The following SPTBN5 variants were observed in gnomAD, a reference collection of about 807,000 sequenced individuals.
SPTBN5 encodes spectrin beta, non-erythrocytic 5.
A neutral mutation model predicts 477.6 loss-of-function variants in SPTBN5; 513 were observed. That is an observed-to-expected ratio of 1.07 (90% CI 1.00 to 1.16). The LOEUF is 1.16. SPTBN5 is among the 50% of genes most tolerant of loss of function. SPTBN5 has a pLI of 0.00. For synonymous variants in SPTBN5, 2,169 were observed against 2,011.7 expected (o/e 1.08, Z -2.09); for missense variants, 5,062 against 4,731.8 (o/e 1.07, Z -2.05).
At chr15:41,856,743 A>G in intron 52 of SPTBN5, 110 bp downstream of exon 52, 1 of 1,354,860 alleles carries the variant, frequency 7.4e-7, no homozygotes, top group Non-Finnish European at 9.9e-7. Flanking sequence ...AGGGCATCCC[A>G]AAAGCCCCCA....
Position 41,893,919 on chromosome 15 carries a change from A to C in SPTBN5, c.-70T>G, listed in dbSNP as rs12441660. ...CTTACCTTGGTGATGCCTGGGTTCC[A>C]CAGAGGCGGCCCAGCTGGACGGATG... On this transcript the variant is annotated 5_prime_UTR_variant, in exon 1 of 68. Transcript: ENST00000320955. The C allele has an allele frequency of 9.8e-4, 229 of 233,188 alleles. 7 individuals carry two copies. In the Admixed American group the frequency reaches 0.01, roughly 11 times the overall value. The allele number at this position is 233,188 out of a possible 1,614,324, so 14.4% of individuals were successfully genotyped here. A position where few individuals can be genotyped will look rare whatever the true frequency, so the allele number is the denominator to read the frequency against.
chr15:41,883,327 G>A (rs1370963147), intron 8 of SPTBN5, 21 bp downstream of exon 8: 1 of 1,611,612 alleles, frequency 6.2e-7, no homozygotes, highest in South Asian at 1.1e-5. Flanking sequence ...TTTCCCAAGG[G>A]CCTGCTGGTC....
At chr15:41,868,010 G>A in intron 34 of SPTBN5, 59 bp downstream of exon 34, 1 of 1,536,684 alleles carries the variant, frequency 6.5e-7, no homozygotes, top group Non-Finnish European at 8.7e-7. Flanking sequence ...TGAGCAGAGA[G>A]GAGAATAGAA....
chr15:41,874,334 G>A lies in SPTBN5; in HGVS notation c.4647C>T (p.Thr1549=), dbSNP rs777363623. ...HMPHGSPTSY[T]ECLNGAQSLH... ...GGCTCTGGGCACCATTCAAGCACTC[G>A]GTATAGCTGGTGGGGCTGCCATGGG... Residue 1549 remains threonine (T), a synonymous_variant, in exon 24 of 68, where the codon ACC becomes ACT. Coordinates refer to ENST00000320955, the MANE Select transcript of SPTBN5 (RefSeq NM_016642.4). The A allele has an allele frequency of 1.1e-5, 18 of 1,613,814 alleles. No homozygotes were observed. The highest frequency in any genetic ancestry group is 1.7e-4 in the Middle Eastern group (1 of 6,054).
Position 41,848,515 on chromosome 15 carries a change from C to T in SPTBN5, c.*101G>A. ...GCCTGGGGAACTGGGTTGAAGCAGC[C>T]ACGGGAAGGAGCCCTTTTGCCTGTA... On this transcript the variant is annotated 3_prime_UTR_variant, in exon 68 of 68. Transcript: ENST00000320955. 7.0e-7 allele frequency: 1 copy of T among 1,424,392 alleles called. No individual in the cohort carries two copies. The highest frequency in any genetic ancestry group is 9.9e-7 in the Non-Finnish European group (1 of 1,007,806). The allele number at this position is 1,424,392 out of a possible 1,614,324, so 88.2% of individuals were successfully genotyped here.
intron 66 of SPTBN5, 134 bp downstream of exon 66, chr15:41,850,720 C>G (rs1595435326): frequency 2.6e-6 from 2 of 782,478 alleles, no homozygotes; most frequent in East Asian, 2.7e-5. Context: ...TGAGGAAAAA[C>G]AGTAAGTCCC....
At chr15:41,849,772 A>C in intron 67 of SPTBN5, 97 bp downstream of exon 67, 1 of 935,368 alleles carries the variant, frequency 1.1e-6, no homozygotes, top group Non-Finnish European at 1.7e-6. Flanking sequence ...CAACAGAGTA[A>C]GTCTGAGGCC....
At chr15:41,852,781 C>G (rs1197661) in intron 60 of SPTBN5, 43 bp downstream of exon 60, 489,592 of 1,542,324 alleles carry the variant, frequency 0.32, 45,420 homozygotes, top group Middle Eastern at 0.44. Context: ...GGGGGGGGGG[C>G]CCAGAGCCTG....
chr15:41,882,104 C>T lies in SPTBN5; in HGVS notation c.2289G>A (p.Glu763=), dbSNP rs538137813. 2 of 1,574,036 alleles carry T rather than the reference C, an allele frequency of 1.3e-6. No individual in the cohort carries two copies. The highest frequency in any genetic ancestry group is 1.4e-5 in the African/African-American group (1 of 72,316). ...ACGCTCTCTCCAGCGAGGATCGCCG[C>T]TCGCGCAGCCACGAAGCCGCCTCCG... The part of the protein sequence containing the change: ...DAAEAASWLR[E]RRSSLERASC... The change falls in exon 12 of 68, where the codon GAG becomes GAA. Residue 763 remains glutamate (E), a synonymous_variant. Coordinates refer to ENST00000320955, the MANE Select transcript of SPTBN5 (RefSeq NM_016642.4).
At chr15:41,868,327 C>T (rs962982606) in intron 33 of SPTBN5, 71 bp downstream of exon 33, 33 of 1,562,448 alleles carry the variant, frequency 2.1e-5, no homozygotes, top group Middle Eastern at 3.9e-4. Flanking sequence ...CACAGTAGGA[C>T]GGGGCACCAG....
chr15:41,891,772 A>G (rs1253210793), intron 3 of SPTBN5, among the ~76,000 whole-genome samples: 1 of 152,154 alleles, frequency 6.6e-6, no homozygotes, highest in Non-Finnish European at 1.5e-5. Flanking sequence ...CCATAAGCGA[A>G]TGCATCCCTC....
At chr15:41,850,756 CTG>C (rs1276001279) in intron 66 of SPTBN5, 96 bp downstream of exon 66, 3 of 1,054,634 alleles carry the variant, frequency 2.8e-6, no homozygotes, top group East Asian at 2.6e-5. Context: ...GAGATGCTAA[CTG>C]TGAAACCTCC....
chr15:41,890,526 T>G (rs2140971635), intron 3 of SPTBN5, among the ~76,000 whole-genome samples: 1 of 152,336 alleles, frequency 6.6e-6, no homozygotes, highest in South Asian at 2.1e-4. Context: ...CTGCAGGGTT[T>G]GGAAATGAGG....
At chr15:41,868,771 T>G (rs2066429428) in intron 32 of SPTBN5, among the ~76,000 whole-genome samples, 170 bp from the exon 33 acceptor site, 2 of 152,094 alleles carry the variant, frequency 1.3e-5, no homozygotes, top group Admixed American at 6.5e-5. Flanking sequence ...GTTTCTCCGT[T>G]CTCATCCAAC....
rs1032653766 is a variant in SPTBN5 at position 41,868,238 on chromosome 15, G to A, written c.6058-20C>T. On this transcript the variant is annotated intron_variant, in intron 33 of 67. Coordinates refer to ENST00000320955, the MANE Select transcript of SPTBN5 (RefSeq NM_016642.4). ...CTGGACCTGGGGATGGACACATGAG[G>A]AGCCTCAGCTGGGGAGGGTGGTGTG... The A allele has an allele frequency of 1.9e-6, 3 of 1,579,624 alleles. No individual in the cohort carries two copies. The Admixed American group carries it at 5.5e-5, about 29-fold the overall frequency.
intron 21 of SPTBN5, 21 bp downstream of exon 21, chr15:41,876,093 C>G (rs773662951): frequency 2.0e-5 from 32 of 1,587,600 alleles, no homozygotes; most frequent in Non-Finnish European, 2.7e-5. Context: ...GGCTCTGCAC[C>G]CTCTGTCCCG....
rs571110821 is a variant in SPTBN5, at chr15:41,878,277, T to C, written c.3470+65A>G. On this transcript the variant is annotated intron_variant, in intron 17 of 67. Coordinates refer to ENST00000320955, the MANE Select transcript of SPTBN5 (RefSeq NM_016642.4). ...ACTTCCCGCATGCTCTTTCTGGGCCTGAACCCAGAGCCCAGAGCCCTGGTC... is the reference window on the plus strand; with the variant it reads ...ACTTCCCGCATGCTCTTTCTGGGCCCGAACCCAGAGCCCAGAGCCCTGGTC... The C allele has an allele frequency of 7.3e-5, 114 of 1,556,604 alleles. No individual in the cohort carries two copies. In the East Asian group the frequency reaches 2.4e-3, roughly 33 times the overall value.
At chr15:41,858,523 T>G in intron 49 of SPTBN5, 79 bp downstream of exon 49, 1 of 1,501,900 alleles carries the variant, frequency 6.7e-7, no homozygotes, top group Non-Finnish European at 8.9e-7. Flanking sequence ...GTTACTGTGG[T>G]TCAGCACCAG....
rs751366420 is a variant in SPTBN5 at position 41,863,946 on chromosome 15, T to C, written c.6997A>G (p.Lys2333Glu). Residue 2333 changes from lysine to glutamate, a missense_variant, in exon 40 of 68, where the codon AAG becomes GAG. Physicochemically the swap from Lys to Glu is moderately conservative, Grantham distance 56. Coordinates refer to ENST00000320955, the MANE Select transcript of SPTBN5 (RefSeq NM_016642.4). Reference protein sequence around the residue: ...QLKNRDPEEVKIICQRRSQLN... With the variant: ...QLKNRDPEEVEIICQRRSQLN... Reference sequence around the variant, plus strand: ...TGGCTTCGCCGCTGGCAGATGATCTTGACTTCCTCAGGGTCCCGGTTCTTG... The same window carrying C: ...TGGCTTCGCCGCTGGCAGATGATCTCGACTTCCTCAGGGTCCCGGTTCTTG... The C allele has an allele frequency of 3.1e-6, 5 of 1,613,934 alleles. No individual in the cohort carries two copies. Among genetic ancestry groups the C allele is most frequent in the Non-Finnish European group, 4.2e-6 (5 of 1,179,886 alleles).
Sources: gnomAD v4.1 joint callset for allele counts (sites outside exome capture counted in the v4.1 genomes callset) on GRCh38, gnomAD v4.1.1 for gene constraint, MANE v1.5 for transcripts, NCBI Gene and HGNC (gene_info 2026-07-23, HGNC 2026-07-21) for gene names.